SCAP: variants seen among roughly 807,000 people sequenced by gnomAD.
SCAP encodes the protein SREBF chaperone, also known as sterol regulatory element-binding protein cleavage-activating protein.
Under a neutral mutation model 123.6 loss-of-function variants are expected in SCAP, and 65 were observed. The ratio of observed to expected loss-of-function variants is 0.53; its 90% CI spans 0.43 to 0.65. The LOEUF is 0.65. Ranked by LOEUF, SCAP falls within the 30% of genes least tolerant of loss-of-function variation. The pLI is 0.00. For synonymous variants in SCAP, 740 were observed against 726.3 expected (o/e 1.02, Z -0.30); for missense variants, 1,398 against 1,712.5 (o/e 0.82, Z 3.24).
chr3:47,474,287 AAGAG>A (rs1240807777), intron 1 of SCAP, among the ~76,000 whole-genome samples: 1 of 151,864 alleles, frequency 6.6e-6, no homozygotes, highest in Non-Finnish European at 1.5e-5. Flanking sequence ...AAAGAAAGAA[AAGAG>A]AGAGCATTCA....
chr3:47,419,356 T>C lies in SCAP; in HGVS notation c.1912A>G (p.Ser638Gly). Residue 638 changes from serine (S) to glycine (G), a missense_variant, in exon 13 of 23, where the codon AGC (serine) becomes GGC (glycine). This residue lies in a region of SCAP where 828 missense variants were observed against 882.5 expected (regional missense o/e 0.94). Coordinates refer to ENST00000265565, the MANE Select transcript of SCAP (RefSeq NM_012235.4). This position sits in a 1 kb window ranked among gnomAD's most constrained non-coding sequence, Gnocchi z 5.0. ...TTGGCCAGTGTGATGTTGTAATAGC[T>C]GAAGAGCGTCGGCCAGTGGCGGAAG... ...LSFRHWPTLF[S>G]YYNITLAKRY... 2 of 1,613,168 alleles carry C rather than the reference T, an allele frequency of 1.2e-6. No individual in the cohort carries two copies. The highest frequency in any genetic ancestry group is 2.2e-5 in the East Asian group (1 of 44,882).
chr3:47,414,088 A>G lies in SCAP; in HGVS notation c.3606T>C (p.Cys1202=). 6.2e-7 allele frequency: 1 copy of G among 1,613,366 alleles called. No individual in the cohort carries two copies. Among genetic ancestry groups the G allele is most frequent in the Non-Finnish European group, 8.5e-7 (1 of 1,180,014 alleles). ...CTGAGATGACACCCAAGCTTGCACCACAGCCCAGGTCCTGGAGGCAAGGAC... is the reference window on the plus strand; with the variant it reads ...CTGAGATGACACCCAAGCTTGCACCGCAGCCCAGGTCCTGGAGGCAAGGAC... ...KFYSIQQDLG[C]GASLGVISDN... The change falls in exon 23 of 23, where the codon TGT becomes TGC. Residue 1202 remains cysteine, a synonymous_variant. Transcript: ENST00000265565.
In SCAP at chr3:47,418,305, C is replaced by G; in HGVS notation, c.2331+16G>C. ...GCTCCGGCCCTCCCCTACCCGGCCA[C>G]TGTGCCCCTGCTCACCATGAGGTGG... On this transcript the variant is annotated intron_variant, in intron 15 of 22. Coordinates refer to ENST00000265565, the MANE Select transcript of SCAP (RefSeq NM_012235.4). The G allele has an allele frequency of 1.3e-6, 2 of 1,555,326 alleles. No individual in the cohort carries two copies. The highest frequency in any genetic ancestry group is 3.3e-4 in the Middle Eastern group (2 of 5,986).
intron 8 of SCAP, 71 bp from the exon 9 acceptor site, chr3:47,424,116 G>A: frequency 8.4e-7 from 1 of 1,187,256 alleles, no homozygotes; most frequent in African/African-American, 1.5e-5. Flanking sequence ...CCTCAGGAAG[G>A]CTGTGGGGTT....
At chr3:47,457,839 G>A (rs369100563) in intron 1 of SCAP, among the ~76,000 whole-genome samples, 29 of 151,992 alleles carry the variant, frequency 1.9e-4, no homozygotes, top group African/African-American at 6.3e-4. Flanking sequence ...CCCGGGAGGC[G>A]GAGCTTGCAG....
chr3:47,436,344 C>A (rs1706576563), intron 2 of SCAP, among the ~76,000 whole-genome samples: 1 of 152,086 alleles, frequency 6.6e-6, no homozygotes. Context: ...AAAAAGTTGG[C>A]AAATAAGCTG....
intron 3 of SCAP, among the ~76,000 whole-genome samples, chr3:47,430,923 G>A (rs897409966): frequency 6.6e-6 from 1 of 152,202 alleles, no homozygotes; most frequent in South Asian, 2.1e-4. Context: ...TTACAGCATA[G>A]GCAAGGGCCA....
rs1706718740 is a variant in SCAP, at chr3:47,439,539, G to C, written c.122+3333C>G. 6.6e-6 allele frequency among the ~76,000 whole-genome samples: 1 copy of C among 152,220 alleles called. No homozygotes were observed. The highest frequency in any genetic ancestry group is 1.5e-5 in the Non-Finnish European group (1 of 68,026). ...CACTCTCTGACCTGCACATAGGGCAGTCCAACTAACATGGCATCTGGGTGC... is the reference window on the plus strand; with the variant it reads ...CACTCTCTGACCTGCACATAGGGCACTCCAACTAACATGGCATCTGGGTGC... On this transcript the variant is annotated intron_variant, in intron 2 of 22. Transcript: ENST00000265565. The surrounding 1 kb of genome is among the most constrained non-coding windows in gnomAD (Gnocchi z 4.0).
chr3:47,445,423 T>C (rs1218701689), intron 1 of SCAP, among the ~76,000 whole-genome samples: 1 of 151,786 alleles, frequency 6.6e-6, no homozygotes, highest in Non-Finnish European at 1.5e-5. Context: ...TTTTTTCGTA[T>C]TTTTAGTAGA....
intron 1 of SCAP, among the ~76,000 whole-genome samples, chr3:47,462,033 C>CA (rs539404239): frequency 2.0e-5 from 3 of 151,392 alleles, no homozygotes; most frequent in East Asian, 3.9e-4. Context: ...GACTCCATCT[C>CA]AAAAAAAAGC....
intron 2 of SCAP, among the ~76,000 whole-genome samples, chr3:47,441,043 AG>A (rs1252180319): frequency 1.3e-5 from 2 of 151,860 alleles, no homozygotes; most frequent in African/African-American, 4.8e-5. Context: ...CGGGGACTAC[AG>A]GTGCAGGCCA....
chr3:47,414,726 T>C, intron 20 of SCAP, 74 bp from the exon 21 acceptor site: 1 of 1,610,564 alleles, frequency 6.2e-7, no homozygotes, highest in Non-Finnish European at 8.5e-7. Context: ...AAATGCCCTC[T>C]GTTCTTCATC....
At chr3:47,428,868 G>A (rs956577455) in intron 3 of SCAP, 198 bp from the exon 4 acceptor site, 30 of 548,908 alleles carry the variant, frequency 5.5e-5, no homozygotes, top group African/African-American at 3.6e-4. Flanking sequence ...AACTCCCTCC[G>A]CTTATGAGAT....
At position 47,421,017 on chromosome 3, in the gene SCAP, A is replaced by G; in HGVS notation, c.1258T>C (p.Phe420Leu). ...TCAGACACCAGCCCCACGACAGCAA[A>G]GAGACAGAACTCCTGGAATCAGAGC... ...LVPAIQEFCL[F>L]AVVGLVSDFF... Residue 420 changes from phenylalanine (F) to leucine (L), a missense_variant, in exon 11 of 23, where the codon TTT becomes CTT. Physicochemically the swap from Phe to Leu is conservative, Grantham distance 22. Coordinates refer to ENST00000265565, the MANE Select transcript of SCAP (RefSeq NM_012235.4). 6.2e-7 allele frequency: 1 copy of G among 1,613,902 alleles called. No homozygotes were observed. Among genetic ancestry groups the G allele is most frequent in the Non-Finnish European group, 8.5e-7 (1 of 1,179,916 alleles).
chr3:47,441,799 T>C (rs369867832), intron 2 of SCAP, among the ~76,000 whole-genome samples: 8 of 151,658 alleles, frequency 5.3e-5, no homozygotes, highest in African/African-American at 1.7e-4. Flanking sequence ...GAAACATAAC[T>C]GGACCACTTC....
intron 20 of SCAP, 71 bp from the exon 21 acceptor site, chr3:47,414,723 CT>C (rs1705487117): frequency 6.2e-7 from 1 of 1,610,088 alleles, no homozygotes; most frequent in Non-Finnish European, 8.5e-7. Flanking sequence ...GGGAAATGCC[CT>C]CTGTTCTTCA....
chr3:47,423,021 G>A (rs1705973904), intron 9 of SCAP, among the ~76,000 whole-genome samples: 1 of 152,214 alleles, frequency 6.6e-6, no homozygotes, highest in Admixed American at 6.5e-5. Flanking sequence ...CTATCACACT[G>A]TCGCATGTCT....
intron 1 of SCAP, among the ~76,000 whole-genome samples, chr3:47,466,495 C>A (rs1176870178): frequency 6.6e-6 from 1 of 152,112 alleles, no homozygotes; most frequent in Non-Finnish European, 1.5e-5. Context: ...AATAAACTCT[C>A]ACAAATATAA....
chr3:47,427,458 G>C lies in SCAP; in HGVS notation c.620C>G (p.Ala207Gly), dbSNP rs930287265. The C allele has an allele frequency of 1.2e-5, 19 of 1,614,032 alleles. No individual in the cohort carries two copies. In the Admixed American group the frequency reaches 3.2e-4, roughly 27 times the overall value. The change falls in exon 5 of 23, where the codon GCC (alanine) becomes GGC (glycine). Residue 207 changes from alanine (A) to glycine (G), a missense_variant. By Grantham distance (60) the Ala-to-Gly change is moderately conservative (BLOSUM62 0). Transcript: ENST00000265565. ...TGTACTGGGGCTACCTTTGAGTGTG[G>C]CTGAAGTCTGCAGGGTTTTAGGCTC... ...QHEPKTLQTS[A>G]TLKDLLFGVP...
Sources: allele counts gnomAD v4.1 joint callset (sites outside exome capture counted in the v4.1 genomes callset), GRCh38; gene constraint gnomAD v4.1.1; regional missense constraint gnomAD v4.1.1; non-coding constraint Gnocchi (gnomAD v3.1); transcripts MANE v1.5; gene names NCBI Gene and HGNC (gene_info 2026-07-23, HGNC 2026-07-21).